The following PKP2 variants were observed in gnomAD, a reference collection of about 807,000 sequenced individuals.
PKP2 encodes plakophilin-2.
PKP2 carries 73 observed loss-of-function variants against 83.4 expected under a neutral mutation model. The ratio of observed to expected loss-of-function variants is 0.88; its 90% CI spans 0.72 to 1.06. The LOEUF is 1.06. Among genes scored for constraint, PKP2 ranks in the 50% least tolerant of loss-of-function variants. The probability of loss-of-function intolerance (pLI) is 0.00; values close to 1 mark genes in which losing one functional copy is unlikely to be tolerated. For missense variants in PKP2, 966 were observed against 1,065.4 expected, an observed-to-expected ratio of 0.91 and a Z score of 1.30; for synonymous variants, 409 against 430.4, an observed-to-expected ratio of 0.95 and a Z score of 0.62.
chr12:32,858,104 T>TAAATATAAA (rs1162563555), intron 4 of PKP2, among the ~76,000 whole-genome samples: 1 of 83,906 alleles, frequency 1.2e-5, no homozygotes, highest in African/African-American at 6.8e-5. Context: ...TATATATATA[T>TAAATATAAA]ATATATATAT....
intron 6 of PKP2, among the ~76,000 whole-genome samples, chr12:32,828,787 C>T (rs1300046273): frequency 6.6e-6 from 1 of 152,130 alleles, no homozygotes; most frequent in Non-Finnish European, 1.5e-5. Context: ...CCTGGGGAAA[C>T]AATGAGCTGA....
intron 9 of PKP2, 33 bp from the exon 10 acceptor site, chr12:32,802,589 TG>T: frequency 6.3e-7 from 1 of 1,595,938 alleles, no homozygotes; most frequent in South Asian, 1.1e-5. Context: ...TAAGTGCTAT[TG>T]TATTTGATTT....
rs543891417 is a variant in PKP2, at chr12:32,797,656, T to C, written c.2168-1358A>G. Reference sequence around the variant, plus strand: ...CTGCAAGCTCCGCCTCCCGGGTTCATGCCATTCTCCTGCCTCAGCCTCCCG... The same window carrying C: ...CTGCAAGCTCCGCCTCCCGGGTTCACGCCATTCTCCTGCCTCAGCCTCCCG... On this transcript the variant is annotated intron_variant, in intron 10 of 12. Transcript: ENST00000340811. Among the ~76,000 whole-genome samples, 587 of 148,420 alleles carry C rather than the reference T, an allele frequency of 4.0e-3. 2 individuals carry two copies. The highest frequency in any genetic ancestry group is 0.014 in the African/African-American group (562 of 40,324).
At chr12:32,884,134 C>T (rs1384866105) in intron 1 of PKP2, among the ~76,000 whole-genome samples, 1 of 152,198 alleles carries the variant, frequency 6.6e-6, no homozygotes, top group Non-Finnish European at 1.5e-5. Flanking sequence ...TTTGTCTCAT[C>T]AGACTTCTGC....
chr12:32,860,759 G>A (rs1459671944), intron 4 of PKP2, among the ~76,000 whole-genome samples: 2 of 152,124 alleles, frequency 1.3e-5, no homozygotes, highest in Non-Finnish European at 2.9e-5. Flanking sequence ...TCTGGGCGCG[G>A]TGGTGCATGC....
intron 4 of PKP2, among the ~76,000 whole-genome samples, chr12:32,866,427 G>T (rs942319922): frequency 1.3e-5 from 2 of 151,308 alleles, no homozygotes; most frequent in Admixed American, 6.6e-5. Flanking sequence ...GTAGTGCACC[G>T]GTAGGCCCAG....
At chr12:32,888,552 C>T (rs1424721952) in intron 1 of PKP2, among the ~76,000 whole-genome samples, 6 of 151,430 alleles carry the variant, frequency 4.0e-5, no homozygotes, top group Non-Finnish European at 5.9e-5. Flanking sequence ...TGCAATGGCA[C>T]GATCTCGGCT....
At chr12:32,803,560 A>G (rs954810610) in intron 9 of PKP2, among the ~76,000 whole-genome samples, 1 of 152,154 alleles carries the variant, frequency 6.6e-6, no homozygotes, top group East Asian at 1.9e-4. Context: ...ATCTTTTTCT[A>G]TCTCCTTTAG....
At chr12:32,895,492 G>T (rs1957114344) in intron 1 of PKP2, among the ~76,000 whole-genome samples, 1 of 152,184 alleles carries the variant, frequency 6.6e-6, no homozygotes, top group South Asian at 2.1e-4. Flanking sequence ...ACAACTGAAC[G>T]TTGCAGGAAA....
chr12:32,864,424 C>T (rs1315267935), intron 4 of PKP2, among the ~76,000 whole-genome samples: 1 of 150,764 alleles, frequency 6.6e-6, no homozygotes, highest in Non-Finnish European at 1.5e-5. Flanking sequence ...TAAAAAGTAC[C>T]ATTTATAATA....
chr12:32,864,442 G>A (rs1018873675), intron 4 of PKP2, among the ~76,000 whole-genome samples: 3 of 151,328 alleles, frequency 2.0e-5, no homozygotes, highest in African/African-American at 4.8e-5. Flanking sequence ...ATAGCATCTG[G>A]AAATATGATA....
At chr12:32,827,641 T>C (rs1956455104) in intron 6 of PKP2, among the ~76,000 whole-genome samples, 1 of 152,210 alleles carries the variant, frequency 6.6e-6, no homozygotes, top group Non-Finnish European at 1.5e-5. Context: ...TATTGATTGG[T>C]TTCCCATACA....
chr12:32,792,536 C>A (rs1956078976), intron 12 of PKP2, 44 bp from the exon 13 acceptor site: 1 of 1,579,950 alleles, frequency 6.3e-7, no homozygotes, highest in Non-Finnish European at 8.7e-7. Context: ...ACAAAACTGG[C>A]ACACAAGAAA....
intron 6 of PKP2, among the ~76,000 whole-genome samples, chr12:32,840,347 A>G (rs12813221): frequency 0.23 from 35,074 of 152,106 alleles, 4,146 homozygotes; most frequent in Middle Eastern, 0.33. Flanking sequence ...CACTCAGGCT[A>G]GAGTGCAGTG....
chr12:32,846,800 G>A (rs923044237), intron 5 of PKP2, among the ~76,000 whole-genome samples: 1 of 149,088 alleles, frequency 6.7e-6, no homozygotes, highest in East Asian at 2.0e-4. Context: ...GTGAGGAAGA[G>A]CTCTCTGATC....
chr12:32,814,361 A>G (rs1453242979), intron 9 of PKP2, among the ~76,000 whole-genome samples: 1 of 151,996 alleles, frequency 6.6e-6, no homozygotes, highest in African/African-American at 2.4e-5. Context: ...TCTTCCATAC[A>G]TCAGCCACTC....
At chr12:32,833,660 G>C (rs1194957753) in intron 6 of PKP2, among the ~76,000 whole-genome samples, 1 of 151,974 alleles carries the variant, frequency 6.6e-6, no homozygotes, top group African/African-American at 2.4e-5. Context: ...TATATAAAAG[G>C]ATATTATACA....
In PKP2 at chr12:32,796,564, T is replaced by A. The variant is rs7138787; in HGVS notation, c.2168-266A>T. Among the ~76,000 whole-genome samples the A allele has an allele frequency of 0.22, 32,910 of 151,732 alleles. 4,412 individuals carry two copies. Among genetic ancestry groups the A allele is most frequent in the East Asian group, 0.57 (2,909 of 5,126 alleles). ...CGCCTGGCTAATTTTTTTATTTTTT[T>A]ATTTTTTTTTATTTTCAGTAGAGAC... On this transcript the variant is annotated intron_variant, in intron 10 of 12. Coordinates refer to ENST00000340811, the MANE Select transcript of PKP2 (RefSeq NM_001005242.3).
At chr12:32,800,515 A>G (rs927654245) in intron 10 of PKP2, among the ~76,000 whole-genome samples, 2 of 152,200 alleles carry the variant, frequency 1.3e-5, no homozygotes, top group Non-Finnish European at 2.9e-5. Context: ...ATCTAAAGCC[A>G]GAGTGCTGTA....
Sources: allele counts gnomAD v4.1 joint callset (sites outside exome capture counted in the v4.1 genomes callset), GRCh38; gene constraint gnomAD v4.1.1; transcripts MANE v1.5; gene names NCBI Gene and HGNC (gene_info 2026-07-23, HGNC 2026-07-21).